The following HEATR5B variants were observed in gnomAD, a reference collection of about 807,000 sequenced individuals.
HEATR5B encodes the protein HEAT repeat containing 5B.
A neutral mutation model predicts 224.1 loss-of-function variants in HEATR5B; 156 were observed. The ratio of observed to expected loss-of-function variants is 0.70; its 90% confidence interval spans 0.61 to 0.80. The LOEUF is 0.80. HEATR5B is among the 30% of genes least tolerant of loss of function. The pLI is 0.00. For missense variants in HEATR5B, 2,323 were observed against 2,535.5 expected, an observed-to-expected ratio of 0.92 and a Z score of 1.80; for synonymous variants, 1,027 against 893.0, an observed-to-expected ratio of 1.15 and a Z score of -2.68.
At chr2:37,005,539 T>C in intron 30 of HEATR5B, 93 bp downstream of exon 30, 1 of 1,133,946 alleles carries the variant, frequency 8.8e-7, no homozygotes, top group East Asian at 2.4e-5. Flanking sequence ...TAAAATAGGA[T>C]CCAATACAGA....
intron 33 of HEATR5B, among the ~76,000 whole-genome samples, chr2:36,993,976 AAAG>A (rs1382345487): frequency 1.3e-5 from 2 of 152,146 alleles, no homozygotes; most frequent in Non-Finnish European, 2.9e-5. Flanking sequence ...GACTAAAAAA[AAAG>A]AAAAGGGCTC....
At chr2:37,072,087 A>G (rs763443619) in intron 6 of HEATR5B, 23 bp downstream of exon 6, 1 of 1,597,442 alleles carries the variant, frequency 6.3e-7, no homozygotes, top group East Asian at 2.2e-5. Flanking sequence ...GTTATGGTCT[A>G]AATCAAGGGC....
chr2:37,041,553 C>G (rs1335623514), intron 18 of HEATR5B, among the ~76,000 whole-genome samples: 2 of 152,100 alleles, frequency 1.3e-5, no homozygotes, highest in Non-Finnish European at 2.9e-5. Flanking sequence ...CGAGACCAGT[C>G]TGGCTAACAT....
chr2:36,991,251 G>A (rs1211942828), intron 33 of HEATR5B, among the ~76,000 whole-genome samples: 2 of 152,150 alleles, frequency 1.3e-5, no homozygotes, highest in East Asian at 3.9e-4. Context: ...AATCGGTTGG[G>A]TGCAGTGGCT....
rs1214288901 is a variant in HEATR5B at position 37,040,365 on chromosome 2, C to T, written c.3010G>A (p.Gly1004Ser). ...GGGCCAACAGTAGTTATTATAGCAC[C>T]CAAGCATCGACCCAAACACTGATGA... Reference protein sequence around the residue: ...EVHQCLGRCLGAIITTVGPEL... With the variant: ...EVHQCLGRCLSAIITTVGPEL... The change falls in exon 20 of 36, where the codon GGT becomes AGT. Residue 1004 changes from glycine to serine, a missense_variant. Coordinates refer to ENST00000233099, the MANE Select transcript of HEATR5B (RefSeq NM_019024.3). 4 of 1,613,594 alleles carry T rather than the reference C, an allele frequency of 2.5e-6. No homozygotes were observed. The highest frequency in any genetic ancestry group is 3.4e-6 in the Non-Finnish European group (4 of 1,179,886).
At chr2:37,028,988 T>C (rs1572842266) in intron 22 of HEATR5B, 68 bp from the exon 23 acceptor site, 1 of 1,490,172 alleles carries the variant, frequency 6.7e-7, no homozygotes, top group Non-Finnish European at 9.2e-7. Context: ...ACAATTATGA[T>C]AAAGACCAAG....
chr2:37,082,227 G>A (rs539721737), intron 2 of HEATR5B, among the ~76,000 whole-genome samples: 42 of 151,418 alleles, frequency 2.8e-4, no homozygotes, highest in East Asian at 1.4e-3. Context: ...CCACGACCAC[G>A]CCTGGCTAAT....
chr2:36,993,435 G>A (rs929043402), intron 33 of HEATR5B, among the ~76,000 whole-genome samples: 8 of 152,004 alleles, frequency 5.3e-5, no homozygotes, highest in African/African-American at 1.9e-4. Flanking sequence ...TACTTGGGAG[G>A]CTGAGGCGGG....
Position 37,062,053 on chromosome 2 carries a change from G to A in HEATR5B, c.1585-3C>T, listed in dbSNP as rs747185309. 3.9e-6 allele frequency: 6 copies of A among 1,547,074 alleles called. No individual in the cohort carries two copies. The highest frequency in any genetic ancestry group is 4.5e-6 in the Non-Finnish European group (5 of 1,119,738). ...TCTTCAGCAATACTAACTACCATCT[G>A]CAAGAAAAGTTTAGAATTGGATTTT... On this transcript the variant is annotated splice_region_variant and splice_polypyrimidine_tract_variant and intron_variant, in intron 10 of 35. Coordinates refer to ENST00000233099, the MANE Select transcript of HEATR5B (RefSeq NM_019024.3).
At chr2:36,999,446 G>A (rs1285645998) in intron 33 of HEATR5B, among the ~76,000 whole-genome samples, 2 of 152,024 alleles carry the variant, frequency 1.3e-5, no homozygotes, top group African/African-American at 2.4e-5. Flanking sequence ...GTGAGGCTGA[G>A]GCAGGCAGAT....
At chr2:37,028,315 T>C (rs1421548322) in intron 23 of HEATR5B, 141 bp from the exon 24 acceptor site, 2 of 519,160 alleles carry the variant, frequency 3.9e-6, no homozygotes, top group Non-Finnish European at 6.3e-6. Context: ...TAGCAGAATT[T>C]TTTTTAAACA....
chr2:37,067,591 A>C (rs1671662614), intron 8 of HEATR5B, among the ~76,000 whole-genome samples: 2 of 152,168 alleles, frequency 1.3e-5, no homozygotes, highest in South Asian at 4.1e-4. Context: ...CAATGTGGTG[A>C]AACCCTGTTT....
chr2:37,028,631 C>A (rs753518201), intron 23 of HEATR5B, 50 bp downstream of exon 23: 2 of 1,512,016 alleles, frequency 1.3e-6, no homozygotes, highest in African/African-American at 2.8e-5. Flanking sequence ...ATGTATATAT[C>A]AGAAGTAAAA....
chr2:37,030,613 C>G (rs1457306302), intron 22 of HEATR5B, among the ~76,000 whole-genome samples: 1 of 152,212 alleles, frequency 6.6e-6, no homozygotes, highest in African/African-American at 2.4e-5. Flanking sequence ...ACATTTCTAT[C>G]TGTAGTACAA....
At chr2:37,057,740 A>T (rs1414673748) in intron 14 of HEATR5B, among the ~76,000 whole-genome samples, 1 of 152,008 alleles carries the variant, frequency 6.6e-6, no homozygotes, top group East Asian at 1.9e-4. Context: ...GGCGGGTGCC[A>T]TAGCATGCTT....
At chr2:37,074,510 C>A (rs1053073784) in intron 5 of HEATR5B, among the ~76,000 whole-genome samples, 1 of 152,060 alleles carries the variant, frequency 6.6e-6, no homozygotes, top group African/African-American at 2.4e-5. Context: ...GAAATGTTTC[C>A]TTAGATACAA....
At chr2:37,064,718 A>C (rs780404662) in intron 10 of HEATR5B, 22 bp downstream of exon 10, 3 of 1,611,058 alleles carry the variant, frequency 1.9e-6, no homozygotes, top group South Asian at 2.2e-5. Context: ...CAGCATTCCC[A>C]AGTCTAGGAT....
chr2:36,991,182 A>G (rs1300713692), intron 33 of HEATR5B, among the ~76,000 whole-genome samples: 4 of 152,180 alleles, frequency 2.6e-5, no homozygotes, highest in Non-Finnish European at 5.9e-5. Flanking sequence ...TTTTTAAGTG[A>G]TATCTCCTTT....
At chr2:37,072,364 T>C in intron 5 of HEATR5B, 83 bp from the exon 6 acceptor site, 1 of 894,996 alleles carries the variant, frequency 1.1e-6, no homozygotes, top group Non-Finnish European at 1.7e-6. Flanking sequence ...ACTTACCACC[T>C]CTCCTGAGAT....
Sources: allele counts gnomAD v4.1 joint callset (sites outside exome capture counted in the v4.1 genomes callset), GRCh38; gene constraint gnomAD v4.1.1; transcripts MANE v1.5; gene names NCBI Gene and HGNC (gene_info 2026-07-23, HGNC 2026-07-21).